Variants in KDM8 observed in about 807,000 individuals in gnomAD.
KDM8 encodes the protein bifunctional peptidase and arginyl-hydroxylase JMJD5.
In KDM8, 35 loss-of-function variants were observed where a neutral mutation model predicts 46.9. The observed-to-expected ratio is 0.75, with a 90% CI of 0.57 to 0.99. KDM8 has a LOEUF of 0.99. Ranked by LOEUF, KDM8 falls within the 50% of genes least tolerant of loss-of-function variation. KDM8 has a pLI of 0.00. For synonymous variants in KDM8, 232 were observed against 227.7 expected (o/e 1.02, Z -0.17); for missense variants, 475 against 537.0 (o/e 0.88, Z 1.14).
At position 27,216,903 on chromosome 16, in the gene KDM8, C is replaced by T. The variant is rs546653181; in HGVS notation, c.843+914C>T. Among the ~76,000 whole-genome samples, 31 of 152,214 alleles carry T rather than the reference C, an allele frequency of 2.0e-4. 1 individual carries two copies. In the South Asian group the frequency reaches 6.0e-3, roughly 30 times the overall value. Reference sequence around the variant, plus strand: ...CATGGCCTCAGTGTGGGCTGGGGACCCTGGAAGCCATGGTTAACCTTGGCT... The same window carrying T: ...CATGGCCTCAGTGTGGGCTGGGGACTCTGGAAGCCATGGTTAACCTTGGCT... On this transcript the variant is annotated intron_variant, in intron 5 of 7. Coordinates refer to ENST00000286096, the MANE Select transcript of KDM8 (RefSeq NM_024773.3).
At chr16:27,220,328 C>T in intron 6 of KDM8, 65 bp from the exon 7 acceptor site, 1 of 1,395,654 alleles carries the variant, frequency 7.2e-7, no homozygotes. Context: ...GCACAGAGGC[C>T]AGAGTGGGCT....
chr16:27,203,834 C>T (rs535784790), intron 1 of KDM8, 198 bp downstream of exon 1: 4 of 428,676 alleles, frequency 9.3e-6, no homozygotes, highest in South Asian at 9.1e-5. Flanking sequence ...GCCGGCCTGC[C>T]CTGCGGGAGG....
rs539243762 is a variant in KDM8 at position 27,213,599 on chromosome 16, C to T, written c.513C>T (p.Asp171=). 2 of 1,614,038 alleles carry T rather than the reference C, an allele frequency of 1.2e-6. No individual in the cohort carries two copies. The highest frequency in any genetic ancestry group is 1.7e-5 in the Admixed American group (1 of 60,004). The change falls in exon 3 of 8, where the codon GAC becomes GAT. Residue 171 remains aspartate, a synonymous_variant. Transcript: ENST00000286096. Reference sequence around the variant, plus strand: ...ATTTTAAACAGAAAGCAAGGGCGGACCATGGTTTGATTCCAGATGTGAAGT... The same window carrying T: ...ATTTTAAACAGAAAGCAAGGGCGGATCATGGTTTGATTCCAGATGTGAAGT... The part of the protein sequence containing the change: ...EQPCTKKARA[D]HGLIPDVKLE...
chr16:27,219,379 G>A (rs1459104375), intron 6 of KDM8, among the ~76,000 whole-genome samples: 1 of 152,210 alleles, frequency 6.6e-6, no homozygotes, highest in Non-Finnish European at 1.5e-5. Flanking sequence ...GAGTGCTGGT[G>A]TGGGTGCCCG....
In KDM8 at chr16:27,210,107, C is replaced by A. The variant is rs1228798873; in HGVS notation, c.-17C>A. On this transcript the variant is annotated 5_prime_UTR_variant, in exon 2 of 8. Transcript: ENST00000286096. Reference sequence around the variant, plus strand: ...CACCTCCCCAGGCACGGGACTGAACCAGCTGGTGGTGGCCCGATGGCTGGA... The same window carrying A: ...CACCTCCCCAGGCACGGGACTGAACAAGCTGGTGGTGGCCCGATGGCTGGA... 1 of 1,607,242 alleles carries A rather than the reference C, an allele frequency of 6.2e-7. No homozygotes were observed.
rs75261718 is a variant in KDM8 at position 27,204,505 on chromosome 16, A to G, written c.-32+869A>G. Reference sequence around the variant, plus strand: ...AATTTTTGTGGAATACTGCCATAATAACATTGAGGAGATTAGAGAACTGGA... The same window carrying G: ...AATTTTTGTGGAATACTGCCATAATGACATTGAGGAGATTAGAGAACTGGA... On this transcript the variant is annotated intron_variant, in intron 1 of 7. Transcript: ENST00000286096. 809 of 339,556 alleles carry G rather than the reference A, an allele frequency of 2.4e-3. 17 individuals are homozygous for G. In the East Asian group the frequency reaches 0.039, roughly 16 times the overall value. The allele number at this position is 339,556 out of a possible 1,614,324, so 21.0% of individuals were successfully genotyped here. A position where few individuals can be genotyped will look rare whatever the true frequency, so the allele number is the denominator to read the frequency against.
chr16:27,213,135 T>A (rs867338452), intron 2 of KDM8, among the ~76,000 whole-genome samples: 10 of 152,108 alleles, frequency 6.6e-5, no homozygotes, highest in Non-Finnish European at 1.5e-4. Context: ...ATGTGGAAAC[T>A]GCTTTTGATA....
intron 3 of KDM8, chr16:27,214,054 C>T (rs1184355184): frequency 4.4e-5 from 11 of 248,522 alleles, no homozygotes; most frequent in Admixed American, 2.1e-4. Context: ...AATTTCAGAC[C>T]ATCTCAGGGC....
intron 4 of KDM8, among the ~76,000 whole-genome samples, chr16:27,215,447 G>A (rs1040596748): frequency 1.3e-5 from 2 of 152,042 alleles, no homozygotes; most frequent in African/African-American, 4.8e-5. Context: ...GGGTATAGTG[G>A]TACGTGCCTG....
intron 3 of KDM8, 109 bp from the exon 4 acceptor site, chr16:27,214,767 C>A: frequency 8.0e-7 from 1 of 1,252,364 alleles, no homozygotes; most frequent in Admixed American, 1.8e-5. Flanking sequence ...GTCCTTGTCT[C>A]TGCACGTGAG....
chr16:27,214,698 T>C (rs951953152), intron 3 of KDM8, 178 bp from the exon 4 acceptor site: 25 of 657,730 alleles, frequency 3.8e-5, no homozygotes, highest in Non-Finnish European at 6.4e-5. Context: ...CCACACAGCC[T>C]TGAGCAGGGA....
At chr16:27,216,496 C>T (rs1217811440) in intron 5 of KDM8, among the ~76,000 whole-genome samples, 1 of 152,142 alleles carries the variant, frequency 6.6e-6, no homozygotes, top group Non-Finnish European at 1.5e-5. Flanking sequence ...AAGGATAGGG[C>T]CAGGTGCGTG....
At position 27,218,980 on chromosome 16, in the gene KDM8, A is replaced by G. The variant is rs757945374; in HGVS notation, c.863A>G (p.Asp288Gly). 1.5e-5 allele frequency: 25 copies of G among 1,614,020 alleles called. No individual in the cohort carries two copies. In the Admixed American group the frequency reaches 4.0e-4, roughly 26 times the overall value. ...CCACAGATCCCGGAGTTGAAGCAGG[A>G]CATCAGCATCCCCGACTACTGCAGC... Reference protein sequence around the residue: ...LFDQIPELKQDISIPDYCSLG... With the variant: ...LFDQIPELKQGISIPDYCSLG... Residue 288 changes from aspartate to glycine, a missense_variant, in exon 6 of 8, where the codon GAC (aspartate) becomes GGC (glycine). Physicochemically the swap from Asp to Gly is moderately conservative, Grantham distance 94. Coordinates refer to ENST00000286096, the MANE Select transcript of KDM8 (RefSeq NM_024773.3).
chr16:27,215,550 C>T (rs1253496497), intron 4 of KDM8, among the ~76,000 whole-genome samples: 6 of 152,150 alleles, frequency 3.9e-5, no homozygotes, highest in Non-Finnish European at 5.9e-5. Flanking sequence ...CACTGCATTC[C>T]AGCTTGGACA....
intron 2 of KDM8, chr16:27,213,371 C>A: frequency 4.0e-6 from 2 of 498,070 alleles, no homozygotes; most frequent in Non-Finnish European, 7.1e-6. Flanking sequence ...ATGAAACAAA[C>A]ATTTTTGATG....
chr16:27,212,335 C>T (rs2083493772), intron 2 of KDM8, among the ~76,000 whole-genome samples: 1 of 152,242 alleles, frequency 6.6e-6, no homozygotes, highest in South Asian at 2.1e-4. Context: ...TTGCCAAGGG[C>T]ACCATGTGGC....
intron 1 of KDM8, chr16:27,203,920 T>C (rs573968855): frequency 4.3e-4 from 230 of 534,812 alleles, no homozygotes; most frequent in African/African-American, 4.3e-3. Flanking sequence ...GGCAGGCCCT[T>C]ACGGCGGGCT....
intron 1 of KDM8, among the ~76,000 whole-genome samples, chr16:27,206,028 ATAAATAT>A (rs568956923): frequency 6.6e-6 from 1 of 152,340 alleles, no homozygotes; most frequent in South Asian, 2.1e-4. Context: ...TGATGCAGAC[ATAAATAT>A]TAATAGCATC....
intron 3 of KDM8, 85 bp downstream of exon 3, chr16:27,213,836 GGGA>G (rs1452347845): frequency 7.2e-7 from 1 of 1,389,418 alleles, no homozygotes; most frequent in Non-Finnish European, 9.9e-7. Context: ...ACCATCCCCA[GGGA>G]AATGCAACCT....
Sources: allele counts gnomAD v4.1 joint callset (sites outside exome capture counted in the v4.1 genomes callset), GRCh38; gene constraint gnomAD v4.1.1; transcripts MANE v1.5; gene names NCBI Gene and HGNC (gene_info 2026-07-23, HGNC 2026-07-21).